The following PPM1F variants were observed in gnomAD, a reference collection of about 807,000 sequenced individuals.
PPM1F encodes protein phosphatase, Mg2+/Mn2+ dependent 1F.
In PPM1F, 17 loss-of-function variants were observed where a neutral mutation model predicts 35.5. That is an observed-to-expected ratio of 0.48 (90% CI 0.33 to 0.72). The LOEUF is 0.72. Ranked by LOEUF, PPM1F falls within the 30% of genes least tolerant of loss-of-function variation. The probability of loss-of-function intolerance (pLI) is 0.02; values close to 1 mark genes in which losing one functional copy is unlikely to be tolerated. For synonymous variants in PPM1F, 241 were observed against 255.5 expected (o/e 0.94, Z 0.54); for missense variants, 521 against 613.0 (o/e 0.85, Z 1.59).
chr22:21,927,942 GTTTTTTTTTTTTTTTTT>G (rs60216371), intron 6 of PPM1F, among the ~76,000 whole-genome samples: 1 of 75,126 alleles, frequency 1.3e-5, no homozygotes, highest in Non-Finnish European at 2.3e-5. Context: ...TTTTTGTTTT[GTTTTTTTTTTTTTTTTT>G]TTTTTTTTTT....
At chr22:21,924,697 G>T (rs1411010074) in intron 7 of PPM1F, among the ~76,000 whole-genome samples, 1 of 148,528 alleles carries the variant, frequency 6.7e-6, no homozygotes, top group Non-Finnish European at 1.5e-5. Flanking sequence ...AGCCTCCCAA[G>T]TAACTGAGAT....
At position 21,923,014 on chromosome 22, in the gene PPM1F, A is replaced by C; in HGVS notation, c.*78T>G. ...GCGGGCACCCTGTCCACTGCCTGCC[A>C]CCTGTTGGGTCCTGAGGCTTCTGAG... On this transcript the variant is annotated 3_prime_UTR_variant, in exon 8 of 8. Transcript: ENST00000263212. 1.1e-5 allele frequency: 17 copies of C among 1,513,314 alleles called. No individual in the cohort carries two copies. The highest frequency in any genetic ancestry group is 1.4e-5 in the Non-Finnish European group (16 of 1,130,722). The allele number at this position is 1,513,314 out of a possible 1,614,324, so 93.7% of individuals were successfully genotyped here.
chr22:21,934,716 C>T (rs191593231), intron 3 of PPM1F: 13 of 152,766 alleles, frequency 8.5e-5, no homozygotes, highest in African/African-American at 3.1e-4. Flanking sequence ...GAAACCCCGT[C>T]TCTACTAAAA....
chr22:21,951,003 G>T (rs993220542), intron 1 of PPM1F: 30 of 152,158 alleles, frequency 2.0e-4, no homozygotes, highest in Admixed American at 1.8e-3. Flanking sequence ...GTAAATCCTA[G>T]ATTTTTTTTC....
intron 7 of PPM1F, among the ~76,000 whole-genome samples, chr22:21,924,428 C>T (rs373164271): frequency 8.1e-4 from 123 of 152,192 alleles, no homozygotes; most frequent in South Asian, 1.5e-3. Context: ...CCACCACGCC[C>T]GGCTAATGTT....
intron 6 of PPM1F, 54 bp from the exon 7 acceptor site, chr22:21,925,716 C>G: frequency 7.0e-7 from 1 of 1,418,898 alleles, no homozygotes; most frequent in Non-Finnish European, 9.6e-7. Context: ...GGGCGTGAAG[C>G]CCCCTGCTGC....
intron 3 of PPM1F, chr22:21,934,901 A>G (rs1338575775): frequency 6.6e-6 from 1 of 152,032 alleles, no homozygotes; most frequent in East Asian, 1.9e-4. Flanking sequence ...AAAAAAAAAA[A>G]AAAAAGATCT....
chr22:21,945,796 G>A (rs1468830119), intron 2 of PPM1F, 47 bp downstream of exon 2: 1 of 1,579,878 alleles, frequency 6.3e-7, no homozygotes, highest in Non-Finnish European at 8.6e-7. Flanking sequence ...GTCGGCCCTG[G>A]TGCCGTGCCC....
In PPM1F at chr22:21,931,302, A is replaced by G; in HGVS notation, c.748-11T>C. ...GCCGCTCTGCAGCCGCTGCAGGGAG[A>G]GAGGGCCCATGAGAGTTGAGAGGAG... is the stretch of plus-strand genomic sequence containing the variant. On this transcript the variant is annotated splice_polypyrimidine_tract_variant and intron_variant, in intron 5 of 7. Transcript: ENST00000263212. 6.2e-7 allele frequency: 1 copy of G among 1,610,208 alleles called. No homozygotes were observed. The highest frequency in any genetic ancestry group is 8.5e-7 in the Non-Finnish European group (1 of 1,179,540).
At chr22:21,943,075 AG>A (rs2070742439) in intron 2 of PPM1F, 1 of 152,296 alleles carries the variant, frequency 6.6e-6, no homozygotes. Flanking sequence ...AGGCGTAAAT[AG>A]CCCCCTGTGG....
At position 21,921,548 on chromosome 22, in the gene PPM1F, A is replaced by T. The variant is rs2070448185; in HGVS notation, c.*1544T>A. 1 of 152,178 alleles carries T rather than the reference A, an allele frequency of 6.6e-6. No homozygotes were observed. Among genetic ancestry groups the T allele is most frequent in the Non-Finnish European group, 1.5e-5 (1 of 68,096 alleles). The allele number at this position is 152,178 out of a possible 1,614,324, so 9.4% of individuals were successfully genotyped here. A position where few individuals can be genotyped will look rare whatever the true frequency, so the allele number is the denominator to read the frequency against. On this transcript the variant is annotated 3_prime_UTR_variant, in exon 8 of 8. Transcript: ENST00000263212. ...AGGCACCCAGGATCGGTCACTTGTG[A>T]GCCCCCTCTCAGGGTGCACTAGGGG...
chr22:21,933,583 G>T lies in PPM1F; in HGVS notation c.559-4C>A, dbSNP rs370005724. The T allele has an allele frequency of 1.2e-6, 2 of 1,605,700 alleles. No individual in the cohort carries two copies. Among genetic ancestry groups the T allele is most frequent in the Non-Finnish European group, 8.5e-7 (1 of 1,173,532 alleles). On this transcript the variant is annotated splice_region_variant and splice_polypyrimidine_tract_variant and intron_variant, in intron 4 of 7. Transcript: ENST00000263212. ...AGTAGGCGCGGTTCACAGGGTCCTG[G>T]TGGGGATGTGGTGGGAGTCACAGAC...
chr22:21,934,897 A>C (rs1284605429), intron 3 of PPM1F: 2 of 152,020 alleles, frequency 1.3e-5, no homozygotes, highest in Non-Finnish European at 2.9e-5. Flanking sequence ...AAAAAAAAAA[A>C]AAAAAAAAAG....
At chr22:21,947,431 G>A (rs2070788326) in intron 1 of PPM1F, 2 of 152,174 alleles carry the variant, frequency 1.3e-5, no homozygotes, top group Admixed American at 6.5e-5. Context: ...ACTTTATTCA[G>A]CGAGTCCTAC....
intron 6 of PPM1F, among the ~76,000 whole-genome samples, chr22:21,927,424 G>C (rs1416517084): frequency 6.6e-6 from 1 of 152,216 alleles, no homozygotes; most frequent in African/African-American, 2.4e-5. Context: ...AGGCTCCAGG[G>C]AGAATGAGGA....
At chr22:21,952,460 CAT>C (rs2070850180) in intron 1 of PPM1F, 1 of 152,036 alleles carries the variant, frequency 6.6e-6, no homozygotes, top group Non-Finnish European at 1.5e-5. Context: ...GATTCTGCCT[CAT>C]AGCCCTCGGT....
At chr22:21,938,278 C>T in intron 3 of PPM1F, 1 of 1,277,438 alleles carries the variant, frequency 7.8e-7, no homozygotes, top group Non-Finnish European at 1.0e-6. Context: ...GTGGCGGCGC[C>T]CCCTTGGTGG....
In PPM1F at chr22:21,925,765, A is replaced by T. The variant is rs890720650; in HGVS notation, c.892-103T>A. On this transcript the variant is annotated intron_variant, in intron 6 of 7. Transcript: ENST00000263212. ...GCACAGCTGCTTCTAAGACAGCAGC[A>T]TTCAAAGCCGCAGCACTGGAACAAA... 24 of 888,014 alleles carry T rather than the reference A, an allele frequency of 2.7e-5. No homozygotes were observed. In the African/African-American group the frequency reaches 3.7e-4, roughly 14 times the overall value. The allele number at this position is 888,014 out of a possible 1,614,324, so 55.0% of individuals were successfully genotyped here.
At chr22:21,927,940 TTG>T (rs2070537042) in intron 6 of PPM1F, among the ~76,000 whole-genome samples, 5 of 127,744 alleles carry the variant, frequency 3.9e-5, no homozygotes, top group African/African-American at 1.3e-4. Context: ...GTTTTTTGTT[TTG>T]TTTTTTTTTT....
Sources: gnomAD v4.1 joint callset for allele counts (sites outside exome capture counted in the v4.1 genomes callset) on GRCh38, gnomAD v4.1.1 for gene constraint, MANE v1.5 for transcripts, NCBI Gene and HGNC (gene_info 2026-07-23, HGNC 2026-07-21) for gene names.